Variants in ZDHHC14 observed in about 807,000 individuals in gnomAD.
The protein encoded by ZDHHC14 is palmitoyltransferase ZDHHC14.
A neutral mutation model predicts 47.7 loss-of-function variants in ZDHHC14; 16 were observed. That is an observed-to-expected ratio of 0.34 (90% confidence interval 0.23 to 0.51). ZDHHC14 has a LOEUF of 0.51. Ranked by LOEUF, ZDHHC14 falls within the 20% of genes least tolerant of loss-of-function variation. The pLI, the probability that ZDHHC14 is intolerant of heterozygous loss-of-function variation, is 0.97. For missense variants in ZDHHC14, 515 were observed against 662.5 expected, an observed-to-expected ratio of 0.78 and a Z score of 2.44; for synonymous variants, 293 against 278.9, an observed-to-expected ratio of 1.05 and a Z score of -0.50.
At chr6:157,672,655 ATCCCTGTC>A in intron 8 of ZDHHC14, 61 bp from the exon 9 acceptor site, 1 of 259,524 alleles carries the variant, frequency 3.9e-6, no homozygotes, top group Admixed American at 8.0e-5. Flanking sequence ...CCCTGTCCCC[ATCCCTGTC>A]CCTCCCCACC....
intron 2 of ZDHHC14, among the ~76,000 whole-genome samples, chr6:157,552,880 G>A (rs911704801): frequency 6.6e-6 from 1 of 152,166 alleles, no homozygotes; most frequent in Non-Finnish European, 1.5e-5. Context: ...AGAGCCATCT[G>A]CCAAACTACA....
At chr6:157,579,481 G>A (rs1299279657) in intron 2 of ZDHHC14, among the ~76,000 whole-genome samples, 1 of 152,144 alleles carries the variant, frequency 6.6e-6, no homozygotes, top group Admixed American at 6.5e-5. Context: ...ACAGGCATGA[G>A]CCACCATGCC....
intron 1 of ZDHHC14, among the ~76,000 whole-genome samples, chr6:157,482,062 C>T (rs893793048): frequency 6.6e-6 from 1 of 152,066 alleles, no homozygotes; most frequent in Non-Finnish European, 1.5e-5. Flanking sequence ...TTCCATGGGA[C>T]ATTCCCACTG....
At chr6:157,670,892 C>T (rs1583105615) in intron 8 of ZDHHC14, among the ~76,000 whole-genome samples, 1 of 152,150 alleles carries the variant, frequency 6.6e-6, no homozygotes, top group East Asian at 1.9e-4. Flanking sequence ...TGGAGGGTGG[C>T]TCAGGGTGGC....
intron 1 of ZDHHC14, among the ~76,000 whole-genome samples, chr6:157,453,788 T>TTTTTTTTGTG (rs3220439): frequency 2.7e-5 from 4 of 148,196 alleles, no homozygotes; most frequent in African/African-American, 1.0e-4. Flanking sequence ...TTTTTGTGTT[T>TTTTTTTTGTG]TGTGTGTGTG....
chr6:157,605,672 G>C (rs1000470041), intron 3 of ZDHHC14, among the ~76,000 whole-genome samples: 2 of 152,156 alleles, frequency 1.3e-5, no homozygotes, highest in African/African-American at 2.4e-5. Context: ...GCCTGAAAGC[G>C]GGCAAGCAGC....
rs778099404 is a variant in ZDHHC14, at chr6:157,673,065, C to T, written c.1410C>T (p.Ser470=). 5 of 1,570,612 alleles carry T rather than the reference C, an allele frequency of 3.2e-6. No individual in the cohort carries two copies. In the African/African-American group the frequency reaches 4.0e-5, roughly 13 times the overall value. Reference sequence around the variant, plus strand: ...CCATGCACGTGCTGGGCCTGGCCAGCCAGGACTCCCTGCATGAGGACTCTG... The same window carrying T: ...CCATGCACGTGCTGGGCCTGGCCAGTCAGGACTCCCTGCATGAGGACTCTG... ...SRTMHVLGLA[S]QDSLHEDSVR... The change falls in exon 9 of 9, where the codon AGC becomes AGT. Residue 470 remains serine (S), a synonymous_variant. Transcript: ENST00000359775. The surrounding 1 kb of genome is among the most constrained non-coding windows in gnomAD (Gnocchi z 5.4).
intron 1 of ZDHHC14, among the ~76,000 whole-genome samples, chr6:157,495,695 A>ATTTTT (rs71027341): frequency 1.1e-4 from 11 of 104,348 alleles, no homozygotes; most frequent in African/African-American, 2.2e-4. Context: ...TTCGGGTTGA[A>ATTTTT]TTTTTTTTTT....
chr6:157,496,324 A>G (rs534355477), intron 1 of ZDHHC14, among the ~76,000 whole-genome samples: 2 of 152,046 alleles, frequency 1.3e-5, no homozygotes, highest in East Asian at 3.9e-4. Flanking sequence ...ATGGGGGTGG[A>G]GGTGTTCCAT....
intron 3 of ZDHHC14, among the ~76,000 whole-genome samples, chr6:157,606,300 T>A (rs1289208221): frequency 6.6e-6 from 1 of 152,050 alleles, no homozygotes; most frequent in Admixed American, 6.6e-5. Context: ...ACCCTGTGTC[T>A]ACTAAAAATA....
At chr6:157,531,808 AG>A (rs1419315149) in intron 1 of ZDHHC14, among the ~76,000 whole-genome samples, 3 of 152,354 alleles carry the variant, frequency 2.0e-5, no homozygotes, top group African/African-American at 7.2e-5. Flanking sequence ...AAACTTTCCA[AG>A]ACTCAAATGT....
At chr6:157,459,640 A>G (rs949744166) in intron 1 of ZDHHC14, among the ~76,000 whole-genome samples, 1 of 152,050 alleles carries the variant, frequency 6.6e-6, no homozygotes, top group Non-Finnish European at 1.5e-5. Flanking sequence ...AGAATGGGTA[A>G]GCTCAGTGAG....
At chr6:157,437,104 C>A (rs1418673975) in intron 1 of ZDHHC14, among the ~76,000 whole-genome samples, 2 of 152,134 alleles carry the variant, frequency 1.3e-5, no homozygotes, top group Non-Finnish European at 2.9e-5. Flanking sequence ...GACTGCAGGT[C>A]TACACAGTGC....
At chr6:157,516,184 T>C (rs550781868) in intron 1 of ZDHHC14, among the ~76,000 whole-genome samples, 4 of 152,380 alleles carry the variant, frequency 2.6e-5, no homozygotes, top group Admixed American at 1.3e-4. Flanking sequence ...GCAAATAGTA[T>C]GTTTATTTCA....
chr6:157,624,808 A>G (rs182476251), intron 3 of ZDHHC14, among the ~76,000 whole-genome samples: 1 of 152,338 alleles, frequency 6.6e-6, no homozygotes, highest in East Asian at 1.9e-4. Context: ...GCACAAGTGA[A>G]AAACAAATGT....
chr6:157,551,145 C>G (rs1027740411), intron 2 of ZDHHC14, among the ~76,000 whole-genome samples: 4 of 152,158 alleles, frequency 2.6e-5, no homozygotes, highest in Non-Finnish European at 5.9e-5. Context: ...CCACCCCTAC[C>G]CAGCCAAGGG....
intron 5 of ZDHHC14, 52 bp downstream of exon 5, chr6:157,632,934 G>T (rs1365385244): frequency 6.3e-7 from 1 of 1,594,260 alleles, no homozygotes; most frequent in African/African-American, 1.3e-5. Context: ...TGAGTATCTG[G>T]CTGACCTTCT....
At chr6:157,529,028 G>T (rs1202863335) in intron 1 of ZDHHC14, 1 of 154,416 alleles carries the variant, frequency 6.5e-6, no homozygotes, top group Non-Finnish European at 1.5e-5. Flanking sequence ...AGTTCAAAGA[G>T]TTTCATTGAA....
intron 1 of ZDHHC14, among the ~76,000 whole-genome samples, chr6:157,434,319 G>A (rs946464861): frequency 6.6e-6 from 1 of 151,602 alleles, no homozygotes; most frequent in Non-Finnish European, 1.5e-5. Context: ...CAAATTTAAG[G>A]CTTGCCTGAT....
Sources: gnomAD v4.1 joint callset for allele counts (sites outside exome capture counted in the v4.1 genomes callset) on GRCh38, gnomAD v4.1.1 for gene constraint, Gnocchi (gnomAD v3.1) non-coding constraint, MANE v1.5 for transcripts, NCBI Gene and HGNC (gene_info 2026-07-23, HGNC 2026-07-21) for gene names.